ASL: variants seen among roughly 807,000 people sequenced by gnomAD.
ASL encodes the protein argininosuccinase.
Under a neutral mutation model 69.1 loss-of-function variants are expected in ASL, and 51 were observed. That is an observed-to-expected ratio of 0.74 (90% CI 0.59 to 0.93). The LOEUF (loss-of-function observed/expected upper bound fraction) is 0.93. ASL is among the 40% of genes least tolerant of loss of function. ASL has a pLI of 0.00. For missense variants in ASL, 540 were observed against 623.9 expected (o/e 0.87, Z 1.43); for synonymous variants, 241 against 247.6 (o/e 0.97, Z 0.25).
chr7:66,091,665 G>T, intron 14 of ASL: 1 of 349,864 alleles, frequency 2.9e-6, no homozygotes, highest in East Asian at 6.7e-5. Context: ...GCTGCAGAGG[G>T]CTATAATGGC....
intron 12 of ASL, 44 bp from the exon 13 acceptor site, chr7:66,089,232 G>T (rs781009876): frequency 8.7e-6 from 14 of 1,611,904 alleles, no homozygotes; most frequent in Non-Finnish European, 1.1e-5. Context: ...TGGCCAGGGG[G>T]GCAGGATCCC....
At chr7:66,086,483 G>A (rs545622803) in intron 6 of ASL, 102 bp from the exon 7 acceptor site, 8 of 1,241,264 alleles carry the variant, frequency 6.4e-6, no homozygotes, top group African/African-American at 5.9e-5. Flanking sequence ...GTGCTGCAGC[G>A]TGACACTTTT....
chr7:66,076,477 C>A (rs978636761), intron 2 of ASL, among the ~76,000 whole-genome samples: 4 of 152,224 alleles, frequency 2.6e-5, no homozygotes, highest in Non-Finnish European at 5.9e-5. Flanking sequence ...CACATCCCTT[C>A]TCCTGCTAGA....
At chr7:66,079,401 C>A (rs188543480) in intron 2 of ASL, among the ~76,000 whole-genome samples, 1 of 152,184 alleles carries the variant, frequency 6.6e-6, no homozygotes, top group East Asian at 1.9e-4. Context: ...TAGGGCTGCT[C>A]CCCAGGTGTT....
Position 66,082,954 on chromosome 7 carries a change from C to T in ASL, c.348+18C>T. On this transcript the variant is annotated intron_variant, in intron 5 of 16. Coordinates refer to ENST00000304874, the MANE Select transcript of ASL (RefSeq NM_000048.4). ...ATGACCAGGTGCTTTAGCCCCTCCA[C>T]CCCCTGCTCCGTGTTGTCCCAACCT... The T allele has an allele frequency of 3.1e-6, 5 of 1,613,098 alleles. No individual in the cohort carries two copies. The highest frequency in any genetic ancestry group is 4.2e-6 in the Non-Finnish European group (5 of 1,179,732).
At chr7:66,081,360 A>C (rs1786497995) in intron 2 of ASL, among the ~76,000 whole-genome samples, 1 of 152,044 alleles carries the variant, frequency 6.6e-6, no homozygotes, top group Non-Finnish European at 1.5e-5. Flanking sequence ...TGGGAGGATC[A>C]CCTGAGGTCA....
intron 6 of ASL, among the ~76,000 whole-genome samples, chr7:66,085,911 A>G (rs1424532127): frequency 6.6e-6 from 1 of 152,064 alleles, no homozygotes; most frequent in Admixed American, 6.6e-5. Context: ...CCTGGCCACA[A>G]GACCCCATCT....
At chr7:66,088,972 C>G (rs759321434) in intron 11 of ASL, 51 bp downstream of exon 11, 11 of 1,608,010 alleles carry the variant, frequency 6.8e-6, no homozygotes, top group African/African-American at 4.0e-5. Flanking sequence ...TCTGTATCCC[C>G]CGCCGCCCGC....
intron 9 of ASL, 103 bp downstream of exon 9, chr7:66,087,489 T>G: frequency 7.1e-7 from 1 of 1,405,410 alleles, no homozygotes; most frequent in South Asian, 1.2e-5. Context: ...TGGCTCCTGG[T>G]GAAACCTTCA....
rs185288666 is a variant in ASL at position 66,076,182 on chromosome 7, A to G, written c.12+89A>G. ...CCTGCCTCGGGCCACCCTGCTGGGA[A>G]TCGCCCTCCAGGAAGCAATTTTGAA... On this transcript the variant is annotated intron_variant, in intron 2 of 16. Transcript: ENST00000304874. The G allele has an allele frequency of 1.6e-4, 239 of 1,514,254 alleles. 1 individual carries two copies. The African/African-American group carries it at 3.0e-3, about 19-fold the overall frequency. 93.8% of individuals were successfully genotyped at this position (1,514,254 alleles called of 1,614,324 possible).
chr7:66,092,516 G>C, intron 15 of ASL, 41 bp from the exon 16 acceptor site: 8 of 1,571,688 alleles, frequency 5.1e-6, no homozygotes, highest in Non-Finnish European at 6.9e-6. Context: ...TCAGGGCATG[G>C]AGAAACCTGC....
intron 14 of ASL, among the ~76,000 whole-genome samples, chr7:66,090,955 G>A (rs990183742): frequency 2.6e-5 from 4 of 151,992 alleles, no homozygotes; most frequent in African/African-American, 7.2e-5. Flanking sequence ...AAAATTAGCT[G>A]GGTGTGGTGG....
chr7:66,075,931 G>T, intron 1 of ASL, 75 bp downstream of exon 1: 2 of 1,013,092 alleles, frequency 2.0e-6, no homozygotes, highest in Non-Finnish European at 2.9e-6. Context: ...TCACGTCCGC[G>T]TCCCCAAGGG....
chr7:66,077,675 G>A (rs552153551), intron 2 of ASL, among the ~76,000 whole-genome samples: 1 of 151,642 alleles, frequency 6.6e-6, no homozygotes, highest in East Asian at 2.0e-4. Flanking sequence ...GTTGCAGTGA[G>A]CTGAGATCGC....
Position 66,089,647 on chromosome 7 carries a change from T to C in ASL, c.1014T>C (p.Thr338=), listed in dbSNP as rs1396048492. 1.2e-5 allele frequency: 19 copies of C among 1,613,758 alleles called. No homozygotes were observed. The highest frequency in any genetic ancestry group is 1.6e-5 in the Non-Finnish European group (19 of 1,180,022). The change falls in exon 14 of 17, where the codon ACT becomes ACC. Residue 338 remains threonine (T), a synonymous_variant. Transcript: ENST00000304874. The stretch of plus-strand genomic sequence containing the variant: ...AAGCTGTGTTTGAAGTGTCAGACAC[T>C]ATGAGTGCCGTGCTCCAGGTGGCCA... ...DKEAVFEVSD[T]MSAVLQVATG...
At chr7:66,087,234 G>A in intron 8 of ASL, 100 bp from the exon 9 acceptor site, 1 of 1,388,420 alleles carries the variant, frequency 7.2e-7, no homozygotes, top group South Asian at 1.2e-5. Flanking sequence ...GGTTCTCTGT[G>A]TGTGCGTTCG....
rs764823465 is a variant in ASL, at chr7:66,086,683, G to A, written c.524+21G>A. The A allele has an allele frequency of 3.1e-6, 5 of 1,613,486 alleles. No individual in the cohort carries two copies. The Admixed American group carries it at 8.3e-5, about 27-fold the overall frequency. On this transcript the variant is annotated intron_variant, in intron 7 of 16. Transcript: ENST00000304874. ...CTGAGGTGAGCCAGGTGAGGTGCAG[G>A]GGCTGTGCTAGAGGGGAGGACCCCG...
intron 6 of ASL, among the ~76,000 whole-genome samples, chr7:66,085,205 T>C (rs1786623608): frequency 6.6e-6 from 1 of 151,842 alleles, no homozygotes; most frequent in African/African-American, 2.4e-5. Context: ...GGCCAGGTGC[T>C]GTGGCTCACG....
chr7:66,086,616 C>T lies in ASL; in HGVS notation c.478C>T (p.His160Tyr). Residue 160 changes from histidine (H) to tyrosine (Y), a missense_variant, in exon 7 of 17, where the codon CAT (histidine) becomes TAT (tyrosine). By Grantham distance (83) the His-to-Tyr change is moderately conservative. Transcript: ENST00000304874. ...ERDVLFPGYTHLQRAQPIRWS... is the reference protein window; with the variant it reads ...ERDVLFPGYTYLQRAQPIRWS... ...TGATGTTCTCTTCCCGGGGTACACC[C>T]ATTTGCAGAGGGCCCAGCCCATCCG... 1 of 1,613,986 alleles carries T rather than the reference C, an allele frequency of 6.2e-7. No homozygotes were observed.
Sources: gnomAD v4.1 joint callset for allele counts (sites outside exome capture counted in the v4.1 genomes callset) on GRCh38, gnomAD v4.1.1 for gene constraint, MANE v1.5 for transcripts, NCBI Gene and HGNC (gene_info 2026-07-23, HGNC 2026-07-21) for gene names.